ODAD2: variants seen among roughly 807,000 people sequenced by gnomAD.
The protein encoded by ODAD2 is outer dynein arm docking complex subunit 2, also known as outer dynein arm-docking complex subunit 2.
Under a neutral mutation model 106.8 loss-of-function variants are expected in ODAD2, and 89 were observed. The ratio of observed to expected loss-of-function variants is 0.83; its 90% CI spans 0.70 to 0.99. The LOEUF (loss-of-function observed/expected upper bound fraction) is 0.99. Ranked by LOEUF, ODAD2 falls within the 50% of genes least tolerant of loss-of-function variation. The probability of loss-of-function intolerance (pLI) is 0.00; values close to 1 mark genes in which losing one functional copy is unlikely to be tolerated. For synonymous variants in ODAD2, 404 were observed against 436.2 expected (o/e 0.93, Z 0.92); for missense variants, 1,168 against 1,238.5 (o/e 0.94, Z 0.85).
rs763298147 is a variant in ODAD2, at chr10:27,983,932, G to A, written c.730C>T (p.Arg244Cys). ...ACCAGCACATAACAAATTTCCCCAC[G>A]AATTTGTCTCCACGGTGGGGCTCGA... is the stretch of plus-strand genomic sequence containing the variant. ...GCRAPPWRQI[R>C]GEICYVLVKP... Residue 244 changes from arginine to cysteine, a missense_variant, in exon 6 of 20, where the codon CGT becomes TGT. By Grantham distance (180) the Arg-to-Cys change is radical. This residue lies in a region of ODAD2 where 430 missense variants were observed against 452.2 expected (regional missense o/e 0.95). Coordinates refer to ENST00000305242, the MANE Select transcript of ODAD2 (RefSeq NM_018076.5). 14 of 1,606,388 alleles carry A rather than the reference G, an allele frequency of 8.7e-6. No homozygotes were observed. The highest frequency in any genetic ancestry group is 5.2e-5 in the Admixed American group (3 of 57,444).
chr10:27,888,461 A>G (rs1842372047), intron 17 of ODAD2, among the ~76,000 whole-genome samples: 1 of 152,092 alleles, frequency 6.6e-6, no homozygotes, highest in Non-Finnish European at 1.5e-5. Flanking sequence ...GGCTATTTGT[A>G]CGTCTTCTTT....
chr10:27,992,495 TCAGAG>T (rs1850290392), intron 2 of ODAD2, among the ~76,000 whole-genome samples: 1 of 151,908 alleles, frequency 6.6e-6, no homozygotes, highest in South Asian at 2.1e-4. Context: ...ACAAGACCAG[TCAGAG>T]CAACATGGTG....
intron 17 of ODAD2, among the ~76,000 whole-genome samples, chr10:27,886,623 T>C (rs1842238215): frequency 6.6e-6 from 1 of 152,066 alleles, no homozygotes; most frequent in South Asian, 2.1e-4. Flanking sequence ...ATAACAGTAT[T>C]ACAGTAATTT....
Position 27,940,209 on chromosome 10 carries a change from T to C in ODAD2, c.1987-202A>G, listed in dbSNP as rs532572855. ...TGTGTGTGTGTATATATATATAGTG[T>C]ATAGATATATATGTCAGCATATATG... On this transcript the variant is annotated intron_variant, in intron 13 of 19. Transcript: ENST00000305242. 2.6e-5 allele frequency among the ~76,000 whole-genome samples: 4 copies of C among 151,854 alleles called. No individual in the cohort carries two copies. In the East Asian group the frequency reaches 7.8e-4, roughly 29 times the overall value.
At chr10:27,851,494 C>T (rs181745685) in intron 19 of ODAD2, among the ~76,000 whole-genome samples, 42 of 151,316 alleles carry the variant, frequency 2.8e-4, no homozygotes, top group Non-Finnish European at 4.6e-4. Context: ...AGTAGAGACA[C>T]GAAAGATGTG....
intron 7 of ODAD2, 47 bp from the exon 8 acceptor site, chr10:27,971,360 T>C: frequency 6.9e-7 from 1 of 1,446,616 alleles, no homozygotes; most frequent in Non-Finnish European, 9.3e-7. Context: ...CTGAATTATC[T>C]AGTGTTCTCT....
chr10:27,941,500 G>GGA (rs1554816072), intron 12 of ODAD2, among the ~76,000 whole-genome samples: 2 of 132,188 alleles, frequency 1.5e-5, no homozygotes, highest in African/African-American at 5.6e-5. Flanking sequence ...CCAAAAAAAA[G>GGA]AAAAAAAAAA....
intron 19 of ODAD2, among the ~76,000 whole-genome samples, chr10:27,846,975 G>T (rs978494326): frequency 1.3e-5 from 2 of 152,194 alleles, no homozygotes; most frequent in Non-Finnish European, 2.9e-5. Flanking sequence ...TGGATTCACA[G>T]CCAAATTCTA....
intron 2 of ODAD2, among the ~76,000 whole-genome samples, chr10:27,989,926 T>G (rs1850119251): frequency 6.6e-6 from 1 of 152,150 alleles, no homozygotes; most frequent in Non-Finnish European, 1.5e-5. Flanking sequence ...AGTTTCAGTT[T>G]TCAGGCTCAC....
At chr10:27,900,662 A>C (rs1245065394) in intron 17 of ODAD2, among the ~76,000 whole-genome samples, 1 of 152,216 alleles carries the variant, frequency 6.6e-6, no homozygotes, top group African/African-American at 2.4e-5. Context: ...AACTTCGTGA[A>C]GCATACACAA....
At chr10:27,863,233 T>C (rs1218253692) in intron 17 of ODAD2, among the ~76,000 whole-genome samples, 1 of 152,206 alleles carries the variant, frequency 6.6e-6, no homozygotes, top group African/African-American at 2.4e-5. Flanking sequence ...ACAGCCTTCT[T>C]GCCCTTACAA....
At chr10:27,814,856 G>A (rs532091243) in intron 19 of ODAD2, among the ~76,000 whole-genome samples, 220 of 152,294 alleles carry the variant, frequency 1.4e-3, no homozygotes, top group African/African-American at 5.2e-3. Context: ...AGTCCTGCGG[G>A]AGGCATATGT....
chr10:27,875,922 C>T (rs1841305543), intron 17 of ODAD2, among the ~76,000 whole-genome samples: 1 of 152,194 alleles, frequency 6.6e-6, no homozygotes, highest in South Asian at 2.1e-4. Context: ...TCGGAGGGTC[C>T]CATGCCCACA....
chr10:27,936,900 G>C lies in ODAD2; in HGVS notation c.2098-20C>G. 1 of 1,578,726 alleles carries C rather than the reference G, an allele frequency of 6.3e-7. No homozygotes were observed. The highest frequency in any genetic ancestry group is 1.2e-5 in the South Asian group (1 of 84,726). ...AGCACACTGCACGAAAAGTCAGACA[G>C]AGGCTGTCAGTCATCAAGGAATATC... is the stretch of plus-strand genomic sequence containing the variant. On this transcript the variant is annotated intron_variant, in intron 14 of 19. Transcript: ENST00000305242.
chr10:27,840,448 T>C (rs984195455), intron 19 of ODAD2, among the ~76,000 whole-genome samples: 1 of 152,332 alleles, frequency 6.6e-6, no homozygotes, highest in East Asian at 1.9e-4. Flanking sequence ...TGCCTTTGTG[T>C]TCCACCTCCA....
At chr10:27,888,462 C>G (rs751755800) in intron 17 of ODAD2, among the ~76,000 whole-genome samples, 2 of 151,896 alleles carry the variant, frequency 1.3e-5, no homozygotes, top group African/African-American at 2.4e-5. Flanking sequence ...GCTATTTGTA[C>G]GTCTTCTTTT....
intron 19 of ODAD2, among the ~76,000 whole-genome samples, chr10:27,831,408 T>C (rs1375798930): frequency 6.6e-6 from 1 of 152,158 alleles, no homozygotes; most frequent in East Asian, 1.9e-4. Flanking sequence ...ATAGGAACCA[T>C]AGCTAACACT....
intron 19 of ODAD2, among the ~76,000 whole-genome samples, chr10:27,829,953 G>A (rs148741849): frequency 1.7e-3 from 262 of 152,050 alleles, no homozygotes; most frequent in African/African-American, 5.9e-3. Flanking sequence ...AATGTAAGCA[G>A]TGGAACCCAT....
At chr10:27,924,208 T>G (rs1006093348) in intron 16 of ODAD2, among the ~76,000 whole-genome samples, 4 of 151,532 alleles carry the variant, frequency 2.6e-5, no homozygotes, top group Admixed American at 2.6e-4. Context: ...GAGAAATATC[T>G]AACAAATCAA....
Sources: allele counts gnomAD v4.1 joint callset (sites outside exome capture counted in the v4.1 genomes callset), GRCh38; gene constraint gnomAD v4.1.1; regional missense constraint gnomAD v4.1.1; transcripts MANE v1.5; gene names NCBI Gene and HGNC (gene_info 2026-07-23, HGNC 2026-07-21).